The following ADAMTS14 variants were observed in gnomAD, a reference collection of about 807,000 sequenced individuals.
ADAMTS14 encodes A disintegrin and metalloproteinase with thrombospondin motifs 14.
A neutral mutation model predicts 128.6 loss-of-function variants in ADAMTS14; 100 were observed. The observed-to-expected ratio is 0.78, with a 90% CI of 0.66 to 0.92. ADAMTS14 has a LOEUF of 0.92. Ranked by LOEUF, ADAMTS14 falls within the 40% of genes least tolerant of loss-of-function variation. The pLI is 0.00. For synonymous variants in ADAMTS14, 665 were observed against 653.8 expected, an observed-to-expected ratio of 1.02 and a Z score of -0.26; for missense variants, 1,562 against 1,658.6, an observed-to-expected ratio of 0.94 and a Z score of 1.01.
intron 2 of ADAMTS14, among the ~76,000 whole-genome samples, chr10:70,686,977 G>C (rs1215751351): frequency 9.9e-4 from 88 of 89,210 alleles, no homozygotes; most frequent in African/African-American, 1.6e-3. Flanking sequence ...CCGGGCAGAG[G>C]GGCTCCTCAC....
At position 70,761,704 on chromosome 10, in the gene ADAMTS14, C is replaced by G. The variant is rs140970405; in HGVS notation, c.*851C>G. On this transcript the variant is annotated 3_prime_UTR_variant, in exon 22 of 22. Transcript: ENST00000373207. ...CAGGATGGCAACTTCAATTATCACT[C>G]TCAGCCTGGAAGGGGACTCTGTGGG... is the stretch of plus-strand genomic sequence containing the variant. 5.9e-5 allele frequency: 9 copies of G among 152,388 alleles called. No individual in the cohort carries two copies. The highest frequency in any genetic ancestry group is 2.2e-4 in the African/African-American group (9 of 41,572). 9.4% of individuals were successfully genotyped at this position (152,388 alleles called of 1,614,324 possible).
In ADAMTS14 at chr10:70,753,800, G is replaced by A. The variant is rs772964637; in HGVS notation, c.2730G>A (p.Val910=). Residue 910 remains valine, a splice_region_variant and synonymous_variant, in exon 19 of 22, where the codon GTG becomes GTA. Transcript: ENST00000373207. ...TCCTCTCCTTTCACCCTGTTTCCAG[G>A]TGGGTGACGGAGGAGTGGGGTGCCT... ...RCNQHPCSQP[V]WVTEEWGACS... 7.6e-6 allele frequency: 12 copies of A among 1,571,150 alleles called. No individual in the cohort carries two copies. The highest frequency in any genetic ancestry group is 9.5e-6 in the Non-Finnish European group (11 of 1,157,284).
In ADAMTS14 at chr10:70,674,686, C is replaced by T. The variant is rs936513162; in HGVS notation, c.213C>T (p.Asp71=). Residue 71 remains aspartate, a synonymous_variant, in exon 2 of 22, where the codon GAC becomes GAT. Coordinates refer to ENST00000373207, the MANE Select transcript of ADAMTS14 (RefSeq NM_080722.4). ...CCTCTGCAGGGAGCATGGTAGTGGA[C>T]ACGCCACCCACACTACCACGACACT... ...AAASAGSMVV[D]TPPTLPRHSS... is the part of the protein sequence containing the mutation. 22 of 1,613,398 alleles carry T rather than the reference C, an allele frequency of 1.4e-5. No homozygotes were observed. Among genetic ancestry groups the T allele is most frequent in the Non-Finnish European group, 1.7e-6 (2 of 1,180,034 alleles).
At chr10:70,726,169 G>A (rs541029252) in intron 4 of ADAMTS14, among the ~76,000 whole-genome samples, 1 of 152,358 alleles carries the variant, frequency 6.6e-6, no homozygotes, top group Non-Finnish European at 1.5e-5. Flanking sequence ...TTGGACAGAT[G>A]AGCTGTGATT....
At chr10:70,736,889 C>T (rs1841846563) in intron 10 of ADAMTS14, 96 bp downstream of exon 10, 2 of 1,096,040 alleles carry the variant, frequency 1.8e-6, no homozygotes, top group Admixed American at 4.5e-5. Context: ...CTGACCCCTC[C>T]CTCCAAGTGC....
intron 2 of ADAMTS14, among the ~76,000 whole-genome samples, chr10:70,676,757 G>A (rs1839658833): frequency 6.6e-6 from 1 of 152,166 alleles, no homozygotes; most frequent in Admixed American, 6.5e-5. Context: ...CTAGAGCTAT[G>A]CCATGGCCAC....
chr10:70,696,458 C>T (rs912575230), intron 2 of ADAMTS14, among the ~76,000 whole-genome samples: 8 of 152,074 alleles, frequency 5.3e-5, no homozygotes, highest in East Asian at 1.9e-4. Context: ...GCTTCATGCT[C>T]ATGTGAGGTG....
At chr10:70,728,455 G>C (rs1178684585) in intron 4 of ADAMTS14, among the ~76,000 whole-genome samples, 1 of 152,198 alleles carries the variant, frequency 6.6e-6, no homozygotes, top group African/African-American at 2.4e-5. Flanking sequence ...AAAAAAGCTG[G>C]AGTATCCAAT....
At chr10:70,692,668 A>G (rs1840225476) in intron 2 of ADAMTS14, among the ~76,000 whole-genome samples, 1 of 152,212 alleles carries the variant, frequency 6.6e-6, no homozygotes, top group East Asian at 1.9e-4. Context: ...GTTTAAAGAG[A>G]AAGAAATTGC....
chr10:70,702,373 A>C lies in ADAMTS14; in HGVS notation c.584A>C (p.Gln195Pro), dbSNP rs898922441. The change falls in exon 3 of 22, where the codon CAG becomes CCG. Residue 195 changes from glutamine (Q) to proline (P), a missense_variant. Gln to Pro is a moderately conservative substitution (Grantham distance 76, BLOSUM62 -1). Transcript: ENST00000373207. ...FFIEPLERGQ[Q>P]EKEASGRTHV... The stretch of plus-strand genomic sequence containing the variant: ...ATTGAGCCTCTGGAGCGGGGCCAGC[A>C]GGAGAAGGAGGCCAGCGGGAGGACA... 3.1e-6 allele frequency: 5 copies of C among 1,614,034 alleles called. No homozygotes were observed. In the African/African-American group the frequency reaches 6.7e-5, roughly 22 times the overall value.
Position 70,708,769 on chromosome 10 carries a change from C to G in ADAMTS14, c.861C>G (p.Leu287=). Residue 287 remains leucine (L), a synonymous_variant, in exon 4 of 22, where the codon CTC becomes CTG. Transcript: ENST00000373207. The stretch of plus-strand genomic sequence containing the variant: ...ATGTGCAGAACTATGTCCTCACCCT[C>G]ATGAATATCGTGAGTGTCCATGTGT... ...KEHVQNYVLT[L]MNIVDEIYHD... 2 of 1,391,144 alleles carry G rather than the reference C, an allele frequency of 1.4e-6. No homozygotes were observed. Among genetic ancestry groups the G allele is most frequent in the Non-Finnish European group, 9.6e-7 (1 of 1,037,720 alleles). The allele number at this position is 1,391,144 out of a possible 1,614,324, so 86.2% of individuals were successfully genotyped here. A position where few individuals can be genotyped will look rare whatever the true frequency, so the allele number is the denominator to read the frequency against.
In ADAMTS14 at chr10:70,754,067, T is replaced by C; in HGVS notation, c.2937+60T>C. Reference sequence around the variant, plus strand: ...GAGGAGGTGGGTCTGAGGGATTTTTTTGGTGTTCCCTGCAGGCAAGAGAGT... The same window carrying C: ...GAGGAGGTGGGTCTGAGGGATTTTTCTGGTGTTCCCTGCAGGCAAGAGAGT... On this transcript the variant is annotated intron_variant, in intron 19 of 21. Transcript: ENST00000373207. The C allele has an allele frequency of 2.1e-6, 3 of 1,436,754 alleles. No individual in the cohort carries two copies. In the East Asian group the frequency reaches 7.5e-5, roughly 36 times the overall value. 89.0% of individuals were successfully genotyped at this position (1,436,754 alleles called of 1,614,324 possible).
intron 6 of ADAMTS14, 72 bp from the exon 7 acceptor site, chr10:70,732,182 C>T (rs968565675): frequency 7.5e-7 from 1 of 1,330,524 alleles, no homozygotes. Context: ...CTGGGCTGGG[C>T]ACAGACCTCA....
At chr10:70,677,695 T>C (rs1839687391) in intron 2 of ADAMTS14, among the ~76,000 whole-genome samples, 1 of 152,126 alleles carries the variant, frequency 6.6e-6, no homozygotes, top group Non-Finnish European at 1.5e-5. Context: ...ACGCCTCCCC[T>C]CCAGGCCCTG....
chr10:70,708,808 G>T, intron 4 of ADAMTS14, 30 bp downstream of exon 4: 1 of 1,497,166 alleles, frequency 6.7e-7, no homozygotes, highest in South Asian at 1.3e-5. Context: ...AGGACTTGGG[G>T]GGAGTGGGGT....
At chr10:70,688,387 G>T (rs1460695160) in intron 2 of ADAMTS14, among the ~76,000 whole-genome samples, 1 of 92,656 alleles carries the variant, frequency 1.1e-5, no homozygotes, top group Non-Finnish European at 2.5e-5. Context: ...TTCCAGACTG[G>T]GCAGCCAGGC....
intron 12 of ADAMTS14, among the ~76,000 whole-genome samples, chr10:70,742,795 C>G (rs779384404): frequency 6.6e-6 from 1 of 152,210 alleles, no homozygotes; most frequent in Non-Finnish European, 1.5e-5. Flanking sequence ...TGCTCTGGAA[C>G]CTCCTTTTTA....
intron 2 of ADAMTS14, among the ~76,000 whole-genome samples, chr10:70,687,890 G>A (rs1337260955): frequency 1.9e-4 from 17 of 87,964 alleles, no homozygotes; most frequent in East Asian, 1.7e-3. Context: ...CCTCCTGGAC[G>A]GCACGGCTGT....
intron 2 of ADAMTS14, among the ~76,000 whole-genome samples, chr10:70,690,737 G>A (rs1234445435): frequency 1.4e-5 from 2 of 145,182 alleles, no homozygotes; most frequent in African/African-American, 2.4e-5. Flanking sequence ...GCAGCACCTT[G>A]CCCAGTGCTG....
Sources: gnomAD v4.1 joint callset for allele counts (sites outside exome capture counted in the v4.1 genomes callset) on GRCh38, gnomAD v4.1.1 for gene constraint, MANE v1.5 for transcripts, NCBI Gene and HGNC (gene_info 2026-07-23, HGNC 2026-07-21) for gene names.